Variants in XYLT1 observed in about 807,000 individuals in gnomAD.
The protein encoded by XYLT1 is beta-D-xylosyltransferase 1.
A neutral mutation model predicts 91.3 loss-of-function variants in XYLT1; 36 were observed. The observed-to-expected ratio is 0.39, with a 90% CI of 0.30 to 0.52. The LOEUF is 0.52. XYLT1 is among the 20% of genes least tolerant of loss of function. XYLT1 has a pLI of 0.68. For synonymous variants in XYLT1, 588 were observed against 532.0 expected, an observed-to-expected ratio of 1.11 and a Z score of -1.45; for missense variants, 1,242 against 1,284.5, an observed-to-expected ratio of 0.97 and a Z score of 0.51.
intron 3 of XYLT1, among the ~76,000 whole-genome samples, chr16:17,210,603 G>A (rs2032739366): frequency 6.6e-6 from 1 of 151,770 alleles, no homozygotes; most frequent in Non-Finnish European, 1.5e-5. Flanking sequence ...GTAGAGATAA[G>A]GTCTCCCTAT....
intron 2 of XYLT1, among the ~76,000 whole-genome samples, chr16:17,306,120 C>G (rs2034466657): frequency 6.6e-6 from 1 of 152,152 alleles, no homozygotes; most frequent in African/African-American, 2.4e-5. Context: ...CTTTACCCTC[C>G]CTCTGTATGT....
chr16:17,439,221 C>T (rs575190366), intron 1 of XYLT1, among the ~76,000 whole-genome samples: 1 of 152,294 alleles, frequency 6.6e-6, no homozygotes, highest in South Asian at 2.1e-4. Flanking sequence ...CCATGGTGGA[C>T]ATGGCTAGTT....
chr16:17,136,226 C>T (rs1032553659), intron 8 of XYLT1, among the ~76,000 whole-genome samples: 13 of 152,106 alleles, frequency 8.5e-5, no homozygotes, highest in Non-Finnish European at 1.3e-4. Context: ...AGAGGCAAAG[C>T]GATATGTACA....
chr16:17,226,697 G>A (rs1803715185), intron 3 of XYLT1, among the ~76,000 whole-genome samples: 2 of 152,094 alleles, frequency 1.3e-5, no homozygotes, highest in Admixed American at 1.3e-4. Context: ...GTGGGAGGAT[G>A]GCTTGAGCCC....
chr16:17,272,868 A>C (rs2033917674), intron 2 of XYLT1, among the ~76,000 whole-genome samples: 1 of 152,106 alleles, frequency 6.6e-6, no homozygotes, highest in Non-Finnish European at 1.5e-5. Context: ...AGAACCCCAA[A>C]AGATCCTTGT....
intron 3 of XYLT1, among the ~76,000 whole-genome samples, chr16:17,213,360 T>C (rs76314069): frequency 2.0e-3 from 305 of 152,296 alleles, no homozygotes; most frequent in African/African-American, 7.0e-3. Context: ...CTTTATAAAT[T>C]ATCCACTCAG....
rs959617839 is a variant in XYLT1 at position 17,104,574 on chromosome 16, C to T, written c.*4121G>A. 6.6e-6 allele frequency: 1 copy of T among 152,160 alleles called. No individual in the cohort carries two copies. Among genetic ancestry groups the T allele is most frequent in the Non-Finnish European group, 1.5e-5 (1 of 68,044 alleles). The allele number at this position is 152,160 out of a possible 1,614,324, so 9.4% of individuals were successfully genotyped here. Reference sequence around the variant, plus strand: ...ATAATCTCACTTTAAACCACCTCTCCAGAGAGCAGAGGTTGCTGGCAGTGT... The same window carrying T: ...ATAATCTCACTTTAAACCACCTCTCTAGAGAGCAGAGGTTGCTGGCAGTGT... On this transcript the variant is annotated 3_prime_UTR_variant, in exon 12 of 12. Coordinates refer to ENST00000261381, the MANE Select transcript of XYLT1 (RefSeq NM_022166.4).
At chr16:17,308,069 T>C (rs1370471231) in intron 2 of XYLT1, among the ~76,000 whole-genome samples, 1 of 152,102 alleles carries the variant, frequency 6.6e-6, no homozygotes, top group African/African-American at 2.4e-5. Context: ...AGTCAGTCAG[T>C]TGGCATTTCT....
chr16:17,193,142 G>C (rs923850873), intron 5 of XYLT1: 2 of 152,052 alleles, frequency 1.3e-5, no homozygotes, highest in Non-Finnish European at 2.9e-5. Context: ...AGAGATGTGA[G>C]TTCAAGAAAT....
intron 1 of XYLT1, among the ~76,000 whole-genome samples, chr16:17,436,229 C>T (rs140413299): frequency 0.02 from 3,038 of 152,264 alleles, 87 homozygotes; most frequent in African/African-American, 0.068. Flanking sequence ...TTATAAATTA[C>T]TCAGTCTCGG....
chr16:17,136,615 C>T (rs75586241), intron 8 of XYLT1, among the ~76,000 whole-genome samples: 1,854 of 152,282 alleles, frequency 0.012, 43 homozygotes, highest in African/African-American at 0.043. Flanking sequence ...ACCAGGAACC[C>T]ATCTAGGGGC....
intron 1 of XYLT1, among the ~76,000 whole-genome samples, chr16:17,420,509 C>T (rs2036237815): frequency 6.6e-6 from 1 of 152,094 alleles, no homozygotes; most frequent in Non-Finnish European, 1.5e-5. Flanking sequence ...TAGGTACCTG[C>T]TCATAGTCAT....
chr16:17,461,142 T>G (rs946996834), intron 1 of XYLT1, among the ~76,000 whole-genome samples: 9 of 152,216 alleles, frequency 5.9e-5, no homozygotes, highest in African/African-American at 1.9e-4. Flanking sequence ...TTTCCAGGGT[T>G]GTTTCATGAG....
chr16:17,203,718 A>T (rs2032585882), intron 3 of XYLT1, among the ~76,000 whole-genome samples: 1 of 152,044 alleles, frequency 6.6e-6, no homozygotes. Context: ...TCATCTGTCC[A>T]CTCATCCATA....
At chr16:17,279,385 T>G (rs1596463012) in intron 2 of XYLT1, among the ~76,000 whole-genome samples, 1 of 152,202 alleles carries the variant, frequency 6.6e-6, no homozygotes, top group East Asian at 1.9e-4. Context: ...ATGTCCTTTT[T>G]CAACATTTGA....
At chr16:17,113,438 A>C (rs11862586) in intron 11 of XYLT1, among the ~76,000 whole-genome samples, 8,635 of 152,300 alleles carry the variant, frequency 0.057, 804 homozygotes, top group African/African-American at 0.19. Context: ...CCACTGCACC[A>C]GGCCATGATA....
chr16:17,438,448 G>C (rs1275433434), intron 1 of XYLT1, among the ~76,000 whole-genome samples: 1 of 152,036 alleles, frequency 6.6e-6, no homozygotes. Flanking sequence ...TTAAGTGGAG[G>C]CCAGATTAAA....
At chr16:17,208,508 C>G (rs1214328173) in intron 3 of XYLT1, among the ~76,000 whole-genome samples, 5 of 152,042 alleles carry the variant, frequency 3.3e-5, no homozygotes, top group African/African-American at 4.8e-5. Context: ...ACACAAAATC[C>G]ATTTCTGTTT....
chr16:17,254,292 A>C (rs1453613826), intron 3 of XYLT1, among the ~76,000 whole-genome samples: 1 of 152,206 alleles, frequency 6.6e-6, no homozygotes, highest in Non-Finnish European at 1.5e-5. Flanking sequence ...ACAAGGATGA[A>C]GGCCTTTATG....
Sources: gnomAD v4.1 joint callset for allele counts (sites outside exome capture counted in the v4.1 genomes callset) on GRCh38, gnomAD v4.1.1 for gene constraint, MANE v1.5 for transcripts, NCBI Gene and HGNC (gene_info 2026-07-23, HGNC 2026-07-21) for gene names.